POU6F2: variants seen among roughly 807,000 people sequenced by gnomAD.
POU6F2 encodes POU domain, class 6, transcription factor 2.
In POU6F2, 31 loss-of-function variants were observed where a neutral mutation model predicts 71.3. The ratio of observed to expected loss-of-function variants is 0.43; its 90% CI spans 0.33 to 0.59. The LOEUF is 0.59. POU6F2 is among the 20% of genes least tolerant of loss of function. The pLI is 0.04. For synonymous variants in POU6F2, 347 were observed against 355.7 expected (o/e 0.98, Z 0.27); for missense variants, 783 against 856.8 (o/e 0.91, Z 1.07).
chr7:39,185,899 GTATA>G (rs1205983583), intron 2 of POU6F2, among the ~76,000 whole-genome samples: 1 of 145,072 alleles, frequency 6.9e-6, no homozygotes, highest in African/African-American at 2.5e-5. Context: ...ATATGTATAT[GTATA>G]TATATGTATA....
At chr7:39,069,978 T>A (rs1209303278) in intron 1 of POU6F2, among the ~76,000 whole-genome samples, 1 of 152,154 alleles carries the variant, frequency 6.6e-6, no homozygotes, top group Non-Finnish European at 1.5e-5. Context: ...TTTTTAAGAC[T>A]GCGCTGGGAG....
chr7:39,049,760 A>T (rs1357144551), intron 1 of POU6F2, among the ~76,000 whole-genome samples: 1 of 151,998 alleles, frequency 6.6e-6, no homozygotes, highest in Non-Finnish European at 1.5e-5. Context: ...AATAATTTCT[A>T]TATCTTTACT....
intron 4 of POU6F2, among the ~76,000 whole-genome samples, chr7:39,215,053 G>T (rs1019652017): frequency 6.6e-6 from 1 of 152,176 alleles, no homozygotes; most frequent in Non-Finnish European, 1.5e-5. Context: ...AATGTAAGAA[G>T]CAGGAAGGAG....
At chr7:39,110,314 A>G (rs1008250072) in intron 2 of POU6F2, among the ~76,000 whole-genome samples, 1 of 151,170 alleles carries the variant, frequency 6.6e-6, no homozygotes, top group Non-Finnish European at 1.5e-5. Flanking sequence ...TCTTATAATT[A>G]TATGAATTAT....
chr7:39,177,126 C>T (rs1793347570), intron 2 of POU6F2, among the ~76,000 whole-genome samples: 1 of 152,206 alleles, frequency 6.6e-6, no homozygotes, highest in Admixed American at 6.5e-5. Flanking sequence ...AATCAGGTCA[C>T]TATAGGAGGA....
intron 2 of POU6F2, among the ~76,000 whole-genome samples, chr7:39,105,799 T>C (rs1342413515): frequency 6.6e-6 from 1 of 152,198 alleles, no homozygotes; most frequent in African/African-American, 2.4e-5. Context: ...CTTTTCACTA[T>C]TCTAAGAATT....
intron 1 of POU6F2, among the ~76,000 whole-genome samples, chr7:39,007,847 G>A (rs1459085236): frequency 4.0e-5 from 6 of 151,394 alleles, no homozygotes; most frequent in Non-Finnish European, 7.4e-5. Flanking sequence ...CCCTACAAAG[G>A]ACATGAACTC....
intron 4 of POU6F2, among the ~76,000 whole-genome samples, chr7:39,211,727 G>A (rs1794146210): frequency 6.6e-6 from 1 of 152,066 alleles, no homozygotes; most frequent in South Asian, 2.1e-4. Flanking sequence ...AATGAATTTG[G>A]GCATTAGAGC....
chr7:39,070,721 C>T (rs1318686868), intron 1 of POU6F2, among the ~76,000 whole-genome samples: 3 of 152,200 alleles, frequency 2.0e-5, no homozygotes, highest in Non-Finnish European at 4.4e-5. Flanking sequence ...CCACGGGTCC[C>T]TTCACTGTGA....
intron 4 of POU6F2, among the ~76,000 whole-genome samples, chr7:39,308,790 A>G (rs1583513513): frequency 6.6e-6 from 1 of 152,144 alleles, no homozygotes; most frequent in African/African-American, 2.4e-5. Flanking sequence ...GCCCTGTGCC[A>G]TGTACCCCAC....
At chr7:39,028,850 G>A (rs1789877169) in intron 1 of POU6F2, among the ~76,000 whole-genome samples, 2 of 151,982 alleles carry the variant, frequency 1.3e-5, no homozygotes, top group South Asian at 4.2e-4. Context: ...CTGCCACCCA[G>A]GCTGTAGTGT....
intron 4 of POU6F2, among the ~76,000 whole-genome samples, chr7:39,258,669 T>G (rs561161954): frequency 1.3e-5 from 2 of 151,660 alleles, no homozygotes; most frequent in South Asian, 4.2e-4. Context: ...AATTGTTTTC[T>G]GTCTGCTTTT....
intron 4 of POU6F2, among the ~76,000 whole-genome samples, chr7:39,215,368 C>G (rs1045190406): frequency 6.6e-6 from 1 of 151,842 alleles, no homozygotes; most frequent in East Asian, 1.9e-4. Flanking sequence ...TAAATAAAAA[C>G]AAGAAGCGAG....
chr7:39,075,066 T>G (rs1168943809), intron 1 of POU6F2, among the ~76,000 whole-genome samples: 1 of 151,958 alleles, frequency 6.6e-6, no homozygotes. Context: ...GGGACTGGGG[T>G]GTGGGGCTGT....
At chr7:39,147,825 T>A (rs1294960933) in intron 2 of POU6F2, among the ~76,000 whole-genome samples, 2 of 152,138 alleles carry the variant, frequency 1.3e-5, no homozygotes, top group Non-Finnish European at 2.9e-5. Flanking sequence ...TATACTTCAT[T>A]TCAGGGAGAC....
chr7:39,056,325 T>C (rs1212608987), intron 1 of POU6F2, among the ~76,000 whole-genome samples: 1 of 152,154 alleles, frequency 6.6e-6, no homozygotes, highest in Non-Finnish European at 1.5e-5. Flanking sequence ...TCTGTGGTCT[T>C]ACTATCTTCC....
chr7:39,310,861 C>A (rs1433780437), intron 4 of POU6F2, among the ~76,000 whole-genome samples: 1 of 152,148 alleles, frequency 6.6e-6, no homozygotes, highest in Admixed American at 6.5e-5. Context: ...TGCCTTTCCC[C>A]ATCCTGTGTC....
intron 2 of POU6F2, among the ~76,000 whole-genome samples, chr7:39,119,826 T>A (rs1274308661): frequency 1.3e-5 from 2 of 152,196 alleles, no homozygotes; most frequent in Non-Finnish European, 2.9e-5. Flanking sequence ...TTGCTATAAT[T>A]TCTCCAGGTC....
intron 7 of POU6F2, among the ~76,000 whole-genome samples, chr7:39,449,487 A>T (rs993352280): frequency 1.3e-5 from 2 of 152,206 alleles, no homozygotes; most frequent in African/African-American, 4.8e-5. Context: ...ATTCTCATAC[A>T]TTGCTGGTGG....
Sources: allele counts gnomAD v4.1 joint callset (sites outside exome capture counted in the v4.1 genomes callset), GRCh38; gene constraint gnomAD v4.1.1; transcripts MANE v1.5; gene names NCBI Gene and HGNC (gene_info 2026-07-23, HGNC 2026-07-21).